The following LARP4B variants were observed in gnomAD, a reference collection of about 807,000 sequenced individuals.
The protein encoded by LARP4B is la-related protein 4B.
In LARP4B, 12 loss-of-function variants were observed where a neutral mutation model predicts 89.8. That is an observed-to-expected ratio of 0.13 (90% confidence interval 0.09 to 0.22). The LOEUF (loss-of-function observed/expected upper bound fraction) is 0.22, where lower values mean the gene tolerates loss of function less well. Ranked by LOEUF, LARP4B falls within the 10% of genes least tolerant of loss-of-function variation. The pLI is 1.00. For missense variants in LARP4B, 757 were observed against 947.7 expected, an observed-to-expected ratio of 0.80 and a Z score of 2.64; for synonymous variants, 367 against 363.3, an observed-to-expected ratio of 1.01 and a Z score of -0.12.
chr10:972,790 C>T, the LARP4B span: 4 of 456,684 alleles, frequency 8.8e-6, no homozygotes, highest in African/African-American at 8.0e-5. Context: ...GATGCAGCCC[C>T]AGGTAGCCGC....
chr10:928,890 C>T (rs1186328425), intron 1 of LARP4B, among the ~76,000 whole-genome samples: 1 of 152,072 alleles, frequency 6.6e-6, no homozygotes, highest in Non-Finnish European at 1.5e-5. Flanking sequence ...TATTTTAGAA[C>T]TACATTTTAA....
chr10:976,232 T>C, the LARP4B span, among the ~76,000 whole-genome samples: 1 of 140,938 alleles, frequency 7.1e-6, no homozygotes, highest in African/African-American at 2.7e-5. Context: ...AGGCCTATCA[T>C]GCAACGTGTG....
Position 885,702 on chromosome 10 carries a change from G to A in LARP4B, c.20C>T (p.Ala7Val), listed in dbSNP as rs756564540. Reference sequence around the variant, plus strand: ...CGTCTGCGGTTCAGCCACAACCTTAGCGTCCTGATCAGAAGTCATGGGCTC... The same window carrying A: ...CGTCTGCGGTTCAGCCACAACCTTAACGTCCTGATCAGAAGTCATGGGCTC... MTSDQDAKVVAEPQTQR... is the reference protein window; with the variant it reads MTSDQDVKVVAEPQTQR... Residue 7 changes from alanine (A) to valine (V), a missense_variant, in exon 2 of 18, where the codon GCT becomes GTT. Physicochemically the swap from Ala to Val is moderately conservative, Grantham distance 64 (BLOSUM62 0). Around this residue, in one of 5 missense-constraint regions of LARP4B, gnomAD observed 175 missense variants for 187.0 expected, o/e 0.94. Transcript: ENST00000316157. 3 of 1,614,080 alleles carry A rather than the reference G, an allele frequency of 1.9e-6. 1 individual carries two copies. The South Asian group carries it at 3.3e-5, about 18-fold the overall frequency.
At chr10:960,962 C>T in the LARP4B span, among the ~76,000 whole-genome samples, 1 of 152,088 alleles carries the variant, frequency 6.6e-6, no homozygotes, top group Non-Finnish European at 1.5e-5. Context: ...AATCACTGCC[C>T]AAAGCCCCAG....
the LARP4B span, among the ~76,000 whole-genome samples, chr10:944,890 G>C: frequency 2.6e-5 from 4 of 152,344 alleles, no homozygotes; most frequent in Middle Eastern, 6.8e-3. Context: ...TACAGTCCAA[G>C]TCGTACTTAG....
intron 1 of LARP4B, among the ~76,000 whole-genome samples, chr10:906,578 G>C (rs1008311254): frequency 9.0e-6 from 1 of 111,030 alleles, no homozygotes; most frequent in African/African-American, 3.3e-5. Context: ...CTACCTCCTT[G>C]TCTCCTTGAG....
the LARP4B span, among the ~76,000 whole-genome samples, chr10:948,777 C>A: frequency 5.6e-4 from 85 of 152,332 alleles, no homozygotes; most frequent in African/African-American, 2.0e-3. Flanking sequence ...GTCTGGACTC[C>A]CTTCACCAGG....
In LARP4B at chr10:863,839, C is replaced by T. The variant is rs375571598; in HGVS notation, c.334G>A (p.Ala112Thr). ...TCCGACTCCTGCGGGTCTGGCAATG[C>T]GGCATTCTCATGGCCCTGGTCACCA... ...GDGDQGHENA[A>T]LPDPQESDPA... The change falls in exon 5 of 18, where the codon GCA (alanine) becomes ACA (threonine). Residue 112 changes from alanine (A) to threonine (T), a missense_variant. Ala to Thr is a moderately conservative substitution (Grantham distance 58). Coordinates refer to ENST00000316157, the MANE Select transcript of LARP4B (RefSeq NM_015155.3). The T allele has an allele frequency of 1.2e-4, 196 of 1,613,952 alleles. No individual in the cohort carries two copies. The highest frequency in any genetic ancestry group is 2.2e-4 in the East Asian group (10 of 44,890).
the LARP4B span, among the ~76,000 whole-genome samples, chr10:945,931 C>T: frequency 3.3e-5 from 5 of 152,290 alleles, no homozygotes; most frequent in African/African-American, 1.2e-4. Context: ...ATCTGCCTGC[C>T]AGGGAGAGGC....
At chr10:968,511 C>T in the LARP4B span, among the ~76,000 whole-genome samples, 1 of 152,170 alleles carries the variant, frequency 6.6e-6, no homozygotes, top group Admixed American at 6.5e-5. Context: ...AGCATCTTGA[C>T]TATCGCCGCA....
chr10:864,396 C>A lies in LARP4B; in HGVS notation c.142-126G>T, dbSNP rs1405309131. On this transcript the variant is annotated intron_variant, in intron 3 of 17. Transcript: ENST00000316157. ...GGCTCAGCCTATGTATTTATACACA[C>A]CTTTGGAATGAAATCAGGTTCAAAA... 9.7e-6 allele frequency: 7 copies of A among 718,386 alleles called. No homozygotes were observed. The Admixed American group carries it at 2.3e-4, about 23-fold the overall frequency. 44.5% of individuals were successfully genotyped at this position (718,386 alleles called of 1,614,324 possible).
intron 1 of LARP4B, among the ~76,000 whole-genome samples, 199 bp from the exon 2 acceptor site, chr10:885,959 A>C (rs1210100299): frequency 1.3e-5 from 2 of 152,202 alleles, no homozygotes; most frequent in African/African-American, 4.8e-5. Context: ...TTTCTTCTTC[A>C]CACCATTTTG....
chr10:825,812 G>A lies in LARP4B; in HGVS notation c.1184C>T (p.Pro395Leu). The A allele has an allele frequency of 6.2e-7, 1 of 1,613,938 alleles. No individual in the cohort carries two copies. Among genetic ancestry groups the A allele is most frequent in the Non-Finnish European group, 8.5e-7 (1 of 1,179,908 alleles). Residue 395 changes from proline (P) to leucine (L), a missense_variant, in exon 12 of 18, where the codon CCT (proline) becomes CTT (leucine). This residue lies in a region of LARP4B where 137 missense variants were observed against 213.9 expected (regional missense o/e 0.64). Transcript: ENST00000316157. The part of the protein sequence containing the change: ...INGFTSPAFK[P>L]AASPLTSLRQ... ...GAGAGAAGTCAGAGGAGACGCCGCA[G>A]GCTTGAACGCTGGAGACGTAAACCC...
intron 3 of LARP4B, among the ~76,000 whole-genome samples, chr10:871,745 G>A (rs552146210): frequency 1.3e-5 from 2 of 152,218 alleles, no homozygotes; most frequent in East Asian, 3.9e-4. Context: ...AAATCTTACT[G>A]CAGTGATAGG....
At chr10:978,976 C>T in the LARP4B span, among the ~76,000 whole-genome samples, 197 of 152,090 alleles carry the variant, frequency 1.3e-3, 1 homozygote, top group African/African-American at 4.4e-3. Context: ...TCTCCTGTCT[C>T]TCAATGTTAC....
At chr10:836,834 G>A (rs919956663) in intron 7 of LARP4B, among the ~76,000 whole-genome samples, 1 of 152,168 alleles carries the variant, frequency 6.6e-6, no homozygotes, top group Non-Finnish European at 1.5e-5. Context: ...GTTTCTGTGT[G>A]CCCTTCCCTG....
intron 7 of LARP4B, among the ~76,000 whole-genome samples, chr10:838,095 A>C (rs539745333): frequency 6.6e-6 from 1 of 152,354 alleles, no homozygotes; most frequent in Non-Finnish European, 1.5e-5. Context: ...CCACATGCAG[A>C]AAATTAATCT....
At chr10:916,847 C>T (rs1475827030) in intron 1 of LARP4B, among the ~76,000 whole-genome samples, 1 of 152,162 alleles carries the variant, frequency 6.6e-6, no homozygotes, top group African/African-American at 2.4e-5. Context: ...TAAGCACACA[C>T]CACCACACCT....
chr10:839,144 T>C (rs190340153), intron 7 of LARP4B, among the ~76,000 whole-genome samples: 23 of 152,326 alleles, frequency 1.5e-4, no homozygotes, highest in African/African-American at 4.8e-4. Flanking sequence ...AGAGGACGTT[T>C]AGGTCAGTAA....
Sources: allele counts gnomAD v4.1 joint callset (sites outside exome capture counted in the v4.1 genomes callset), GRCh38; gene constraint gnomAD v4.1.1; regional missense constraint gnomAD v4.1.1; transcripts MANE v1.5; gene names NCBI Gene and HGNC (gene_info 2026-07-23, HGNC 2026-07-21).